The following ANO6 variants were observed in gnomAD, a reference collection of about 807,000 sequenced individuals.
ANO6 encodes anoctamin-6.
A neutral mutation model predicts 117.5 loss-of-function variants in ANO6; 106 were observed. The observed-to-expected ratio is 0.90, with a 90% CI of 0.77 to 1.06. The LOEUF (loss-of-function observed/expected upper bound fraction) is 1.06. Among genes scored for constraint, ANO6 ranks in the 50% least tolerant of loss-of-function variants. The pLI is 0.00. For missense variants in ANO6, 955 were observed against 1,121.1 expected, an observed-to-expected ratio of 0.85 and a Z score of 2.12; for synonymous variants, 367 against 385.1, an observed-to-expected ratio of 0.95 and a Z score of 0.55.
intron 12 of ANO6, among the ~76,000 whole-genome samples, chr12:45,399,885 A>G (rs1942737964): frequency 6.6e-6 from 1 of 152,240 alleles, no homozygotes; most frequent in Non-Finnish European, 1.5e-5. Context: ...AATCAGAAAT[A>G]AGTTATAAAC....
chr12:45,388,037 G>A, intron 10 of ANO6, 124 bp from the exon 11 acceptor site: 9 of 1,279,796 alleles, frequency 7.0e-6, no homozygotes, highest in Non-Finnish European at 1.0e-5. Context: ...ACCCAGTCCA[G>A]GTAGTTCTTT....
intron 1 of ANO6, among the ~76,000 whole-genome samples, chr12:45,251,084 A>C (rs1207796808): frequency 1.3e-5 from 2 of 152,028 alleles, no homozygotes; most frequent in Non-Finnish European, 2.9e-5. Context: ...AGGAAAAAAA[A>C]CCCACAAAAA....
intron 1 of ANO6, among the ~76,000 whole-genome samples, chr12:45,295,221 G>A (rs1939248160): frequency 6.6e-6 from 1 of 152,192 alleles, no homozygotes; most frequent in Non-Finnish European, 1.5e-5. Context: ...TAATGACTGA[G>A]TGGCTCTATT....
intron 1 of ANO6, among the ~76,000 whole-genome samples, chr12:45,281,534 AAG>A (rs963321091): frequency 3.3e-5 from 5 of 152,170 alleles, no homozygotes; most frequent in Non-Finnish European, 4.4e-5. Flanking sequence ...GAGCAGGAGC[AAG>A]AGAGAGAGGA....
intron 1 of ANO6, among the ~76,000 whole-genome samples, chr12:45,267,962 T>A (rs1352149569): frequency 1.3e-5 from 2 of 151,378 alleles, no homozygotes; most frequent in Non-Finnish European, 3.0e-5. Flanking sequence ...AAAATAACTC[T>A]CTCTCCCAAC....
chr12:45,230,830 T>C (rs1410218473), intron 1 of ANO6, among the ~76,000 whole-genome samples: 2 of 152,230 alleles, frequency 1.3e-5, no homozygotes, highest in Non-Finnish European at 2.9e-5. Context: ...AGTTTTTACT[T>C]ATTTCAATGG....
At chr12:45,408,842 C>G (rs1210010796) in intron 15 of ANO6, among the ~76,000 whole-genome samples, 1 of 152,086 alleles carries the variant, frequency 6.6e-6, no homozygotes, top group Admixed American at 6.6e-5. Flanking sequence ...ACTTCTTCCC[C>G]CAGGTTTCCC....
At chr12:45,296,346 G>A (rs1939293693) in intron 1 of ANO6, among the ~76,000 whole-genome samples, 1 of 152,106 alleles carries the variant, frequency 6.6e-6, no homozygotes, top group Non-Finnish European at 1.5e-5. Flanking sequence ...TAGAATTCCT[G>A]AGGTTAGATT....
chr12:45,262,251 T>C (rs1160954562), intron 1 of ANO6, among the ~76,000 whole-genome samples: 1 of 152,232 alleles, frequency 6.6e-6, no homozygotes, highest in Non-Finnish European at 1.5e-5. Flanking sequence ...ACCTATGGTA[T>C]CCTGCCTTTT....
In ANO6 at chr12:45,431,040, T is replaced by C. The variant is rs562420660; in HGVS notation, c.*1729T>C. 56 of 985,390 alleles carry C rather than the reference T, an allele frequency of 5.7e-5. No individual in the cohort carries two copies. The highest frequency in any genetic ancestry group is 6.6e-5 in the Non-Finnish European group (55 of 829,926). 61.0% of individuals were successfully genotyped at this position (985,390 alleles called of 1,614,324 possible). A position where few individuals can be genotyped will look rare whatever the true frequency, so the allele number is the denominator to read the frequency against. ...CATGATTGATTTCAAATGCCTGCCA[T>C]GAATGATTTGTAAGTAATTATGTAG... On this transcript the variant is annotated 3_prime_UTR_variant, in exon 20 of 20. Transcript: ENST00000320560.
At chr12:45,301,208 A>G (rs531804852) in intron 1 of ANO6, among the ~76,000 whole-genome samples, 2 of 147,924 alleles carry the variant, frequency 1.4e-5, no homozygotes, top group Non-Finnish European at 3.0e-5. Context: ...GGTTAAATAA[A>G]TTATGTTATT....
intron 1 of ANO6, among the ~76,000 whole-genome samples, chr12:45,251,252 C>G (rs551035664): frequency 6.6e-6 from 1 of 152,266 alleles, no homozygotes; most frequent in Non-Finnish European, 1.5e-5. Context: ...TCTTAGTTTC[C>G]TTAGAAGCAA....
At chr12:45,240,877 C>A (rs1005077546) in intron 1 of ANO6, among the ~76,000 whole-genome samples, 5 of 152,170 alleles carry the variant, frequency 3.3e-5, no homozygotes, top group Non-Finnish European at 5.9e-5. Flanking sequence ...TGAATATTGG[C>A]CCCCACTCTT....
At chr12:45,326,901 G>C (rs1480519693) in intron 2 of ANO6, among the ~76,000 whole-genome samples, 2 of 152,168 alleles carry the variant, frequency 1.3e-5, no homozygotes, top group Non-Finnish European at 2.9e-5. Context: ...CTCATAACCA[G>C]TCTCTCCATA....
chr12:45,315,215 G>T (rs575827184), intron 2 of ANO6, among the ~76,000 whole-genome samples: 9 of 152,198 alleles, frequency 5.9e-5, no homozygotes, highest in African/African-American at 2.2e-4. Flanking sequence ...TGAGGCCAAA[G>T]AACTGAATTT....
At chr12:45,287,652 G>A (rs556109085) in intron 1 of ANO6, among the ~76,000 whole-genome samples, 50 of 152,272 alleles carry the variant, frequency 3.3e-4, no homozygotes, top group African/African-American at 1.2e-3. Context: ...CAGGGATGAC[G>A]TCAGTAATTT....
chr12:45,422,829 C>T, intron 18 of ANO6, 128 bp from the exon 19 acceptor site: 1 of 753,930 alleles, frequency 1.3e-6, no homozygotes, highest in Admixed American at 2.0e-5. Flanking sequence ...ATGCCTCAGC[C>T]TCCCAAAGTG....
At chr12:45,234,312 G>T (rs1209084992) in intron 1 of ANO6, among the ~76,000 whole-genome samples, 2 of 152,138 alleles carry the variant, frequency 1.3e-5, no homozygotes, top group Non-Finnish European at 2.9e-5. Flanking sequence ...GTGTGACACT[G>T]GTTCGGAGGG....
chr12:45,408,126 A>ACGTGTG lies in ANO6; in HGVS notation c.1881-1229_1881-1224dup, dbSNP rs1312092529. On this transcript the variant is annotated intron_variant, in intron 15 of 19. Transcript: ENST00000320560. ...CCTGTCTTATGCTGGCTGGGTGTGC[A>ACGTGTG]CGTGTGCACATGTGATGGAGAGGAT... Among the ~76,000 whole-genome samples the ACGTGTG allele has an allele frequency of 9.8e-5, 15 of 152,328 alleles. No individual in the cohort carries two copies. The South Asian group carries it at 2.9e-3, about 29-fold the overall frequency.
Sources: allele counts gnomAD v4.1 joint callset (sites outside exome capture counted in the v4.1 genomes callset), GRCh38; gene constraint gnomAD v4.1.1; transcripts MANE v1.5; gene names NCBI Gene and HGNC (gene_info 2026-07-23, HGNC 2026-07-21).